The following TAB2 variants were observed in gnomAD, a reference collection of about 807,000 sequenced individuals.
TAB2 encodes TGF-beta activated kinase 1 (MAP3K7) binding protein 2.
A neutral mutation model predicts 65.0 loss-of-function variants in TAB2; 3 were observed. That is an observed-to-expected ratio of 0.05 (90% CI 0.02 to 0.12). The LOEUF is 0.12. TAB2 is among the 10% of genes least tolerant of loss of function. The probability of loss-of-function intolerance (pLI) is 1.00; values close to 1 mark genes in which losing one functional copy is unlikely to be tolerated. For synonymous variants in TAB2, 298 were observed against 285.1 expected (o/e 1.05, Z -0.46); for missense variants, 623 against 840.3 (o/e 0.74, Z 3.20).
intron 1 of TAB2, among the ~76,000 whole-genome samples, chr6:149,259,554 A>G (rs562956665): frequency 1.3e-5 from 2 of 152,374 alleles, no homozygotes; most frequent in East Asian, 3.9e-4. Context: ...TGTGAAATTA[A>G]TACCTGCACC....
At chr6:149,351,490 A>G (rs1309416973) in intron 1 of TAB2, among the ~76,000 whole-genome samples, 1 of 152,138 alleles carries the variant, frequency 6.6e-6, no homozygotes, top group Non-Finnish European at 1.5e-5. Flanking sequence ...AAGCTCTTTG[A>G]GTTGTTTTCT....
At position 149,378,680 on chromosome 6, in the gene TAB2, C is replaced by T. The variant is rs770367619; in HGVS notation, c.765C>T (p.Pro255=). 1.2e-6 allele frequency: 2 copies of T among 1,613,870 alleles called. No individual in the cohort carries two copies. Among genetic ancestry groups the T allele is most frequent in the Non-Finnish European group, 1.7e-6 (2 of 1,180,018 alleles). The part of the protein sequence containing the change: ...QQVYQPSQPG[P]WTTCPASNPL... ...TTTATCAGCCTTCACAGCCTGGTCC[C>T]TGGACTACTTGTCCTGCATCTAATC... Residue 255 remains proline (P), a synonymous_variant, in exon 3 of 7, where the codon CCC becomes CCT. Coordinates refer to ENST00000637181, the MANE Select transcript of TAB2 (RefSeq NM_001292034.3).
At chr6:149,281,170 T>C (rs1347301249) in intron 1 of TAB2, among the ~76,000 whole-genome samples, 1 of 151,892 alleles carries the variant, frequency 6.6e-6, no homozygotes, top group Non-Finnish European at 1.5e-5. Flanking sequence ...TAAATACAAA[T>C]AATAACAATA....
At chr6:149,289,780 G>A (rs979731098) in intron 1 of TAB2, among the ~76,000 whole-genome samples, 11 of 152,158 alleles carry the variant, frequency 7.2e-5, no homozygotes, top group African/African-American at 2.2e-4. Flanking sequence ...TAAGTTGGTC[G>A]GGCTACAACT....
At chr6:149,239,809 A>G (rs771703177) in intron 1 of TAB2, among the ~76,000 whole-genome samples, 4 of 152,198 alleles carry the variant, frequency 2.6e-5, no homozygotes, top group Admixed American at 2.6e-4. Flanking sequence ...GAGACACAAC[A>G]CTGAACACAG....
chr6:149,228,861 G>A (rs926409), intron 1 of TAB2, among the ~76,000 whole-genome samples: 39,369 of 152,194 alleles, frequency 0.26, 5,428 homozygotes, highest in Middle Eastern at 0.33. Context: ...ATGTGTGTGC[G>A]TGCATGCATG....
chr6:149,315,656 C>G (rs913837326), upstream of TAB2, among the ~76,000 whole-genome samples: 1 of 152,090 alleles, frequency 6.6e-6, no homozygotes. Context: ...ATTTCGTTAC[C>G]ATGTCTTTAG....
intron 1 of TAB2, among the ~76,000 whole-genome samples, chr6:149,347,967 A>C (rs1055434711): frequency 4.6e-5 from 7 of 152,330 alleles, no homozygotes; most frequent in Admixed American, 6.5e-5. Context: ...TAATTTAAAA[A>C]ATTATAGCAT....
chr6:149,270,224 C>T (rs1035579488), intron 1 of TAB2, among the ~76,000 whole-genome samples: 2 of 152,160 alleles, frequency 1.3e-5, no homozygotes, highest in African/African-American at 4.8e-5. Context: ...TGCTTATTTG[C>T]CATCCATGTA....
At chr6:149,323,907 A>G (rs1346374558) in intron 1 of TAB2, among the ~76,000 whole-genome samples, 1 of 114,434 alleles carries the variant, frequency 8.7e-6, no homozygotes, top group African/African-American at 3.2e-5. Context: ...TGAATATTTT[A>G]TACTCTTGTA....
chr6:149,290,799 C>T (rs935659634), intron 1 of TAB2, among the ~76,000 whole-genome samples: 1 of 152,102 alleles, frequency 6.6e-6, no homozygotes, highest in Non-Finnish European at 1.5e-5. Flanking sequence ...GAGCTAAGAT[C>T]GTGCCACTGC....
intron 1 of TAB2, among the ~76,000 whole-genome samples, chr6:149,227,831 T>G (rs1428685834): frequency 6.6e-6 from 1 of 152,144 alleles, no homozygotes; most frequent in Non-Finnish European, 1.5e-5. Flanking sequence ...TATTACTGGG[T>G]GATGGGTTCG....
At chr6:149,299,392 T>C (rs1562404942) in intron 1 of TAB2, among the ~76,000 whole-genome samples, 1 of 151,988 alleles carries the variant, frequency 6.6e-6, no homozygotes, top group African/African-American at 2.4e-5. Context: ...GCCAACATGG[T>C]GAAACTCAGT....
At chr6:149,314,865 C>CTTTTT, upstream of TAB2, among the ~76,000 whole-genome samples, 1 of 143,344 alleles carries the variant, frequency 7.0e-6, no homozygotes, top group South Asian at 2.2e-4. Context: ...GGAACTATAT[C>CTTTTT]TTTTTTTTTT....
chr6:149,269,457 A>G (rs913717990), intron 1 of TAB2, among the ~76,000 whole-genome samples: 4 of 152,176 alleles, frequency 2.6e-5, no homozygotes, highest in Admixed American at 6.5e-5. Context: ...AGATTAAAGT[A>G]GATTTTTACC....
chr6:149,263,427 C>T (rs1778193801), intron 1 of TAB2, among the ~76,000 whole-genome samples: 1 of 152,162 alleles, frequency 6.6e-6, no homozygotes, highest in South Asian at 2.1e-4. Context: ...TGGCAGCCTG[C>T]TCTGCACAAA....
rs529892456 is a variant in TAB2 at position 149,406,169 on chromosome 6, A to G, written c.1940-3408A>G. Among the ~76,000 whole-genome samples the G allele has an allele frequency of 2.2e-4, 34 of 152,346 alleles. No individual in the cohort carries two copies. In the South Asian group the frequency reaches 6.8e-3, roughly 31 times the overall value. On this transcript the variant is annotated intron_variant, in intron 6 of 6. Coordinates refer to ENST00000637181, the MANE Select transcript of TAB2 (RefSeq NM_001292034.3). Reference sequence around the variant, plus strand: ...ACATCATCCTCACTAGTATGCTGCAATAAATACTCCAGACTTACAATTTGT... The same window carrying G: ...ACATCATCCTCACTAGTATGCTGCAGTAAATACTCCAGACTTACAATTTGT...
rs1291366921 is a variant in TAB2, at chr6:149,243,349, G to A, written c.-121+24573G>A. The stretch of plus-strand genomic sequence containing the variant: ...AAAATATTTGTATAATCAATATATC[G>A]TGTTCTGCTTTAAAATCTGTGACAG... On this transcript the variant is annotated intron_variant, in intron 1 of 1. Coordinates refer to the TAB2 transcript ENST00000606202. 3.9e-5 allele frequency: 6 copies of A among 152,110 alleles called. 1 individual carries two copies. The highest frequency in any genetic ancestry group is 2.1e-4 in the South Asian group (1 of 4,828). The allele number at this position is 152,110 out of a possible 1,614,324, so 9.4% of individuals were successfully genotyped here. A position where few individuals can be genotyped will look rare whatever the true frequency, so the allele number is the denominator to read the frequency against.
chr6:149,294,441 T>C lies in TAB2; in HGVS notation c.-121+75665T>C, dbSNP rs533003537. On this transcript the variant is annotated intron_variant, in intron 1 of 1. Coordinates refer to the TAB2 transcript ENST00000606202. Reference sequence around the variant, plus strand: ...TACTTCTTTGAAAAGACCGTATCTTTAAATACAGTCACATTCTGAGATACT... The same window carrying C: ...TACTTCTTTGAAAAGACCGTATCTTCAAATACAGTCACATTCTGAGATACT... Among the ~76,000 whole-genome samples, 17 of 152,340 alleles carry C rather than the reference T, an allele frequency of 1.1e-4. No homozygotes were observed. In the East Asian group the frequency reaches 3.3e-3, roughly 29 times the overall value.
Sources: allele counts gnomAD v4.1 joint callset (sites outside exome capture counted in the v4.1 genomes callset), GRCh38; gene constraint gnomAD v4.1.1; transcripts MANE v1.5; gene names NCBI Gene and HGNC (gene_info 2026-07-23, HGNC 2026-07-21).